The following CCBE1 variants were observed in gnomAD, a reference collection of about 807,000 sequenced individuals.
The protein encoded by CCBE1 is collagen and calcium-binding EGF domain-containing protein 1.
A neutral mutation model predicts 50.0 loss-of-function variants in CCBE1; 37 were observed. The ratio of observed to expected loss-of-function variants is 0.74; its 90% CI spans 0.57 to 0.97. The LOEUF is 0.97. Ranked by LOEUF, CCBE1 falls within the 50% of genes least tolerant of loss-of-function variation. The pLI is 0.00. For missense variants in CCBE1, 538 were observed against 523.8 expected (o/e 1.03, Z -0.26); for synonymous variants, 234 against 203.7 (o/e 1.15, Z -1.27).
intron 2 of CCBE1, among the ~76,000 whole-genome samples, chr18:59,565,311 C>A (rs1359912627): frequency 6.6e-6 from 1 of 152,222 alleles, no homozygotes; most frequent in African/African-American, 2.4e-5. Context: ...GAACAGGGCT[C>A]CAACCAATGG....
chr18:59,681,986 C>T (rs867115004), intron 2 of CCBE1, among the ~76,000 whole-genome samples: 1 of 152,186 alleles, frequency 6.6e-6, no homozygotes, highest in South Asian at 2.1e-4. Flanking sequence ...AAAGCCCCAT[C>T]CCCTCCTCTG....
chr18:59,479,362 C>A (rs113044333), intron 3 of CCBE1, among the ~76,000 whole-genome samples: 123 of 152,314 alleles, frequency 8.1e-4, no homozygotes, highest in African/African-American at 2.8e-3. Context: ...CCCTCTTTGA[C>A]TGCCCTGGGC....
chr18:59,543,640 C>T (rs1335385898), intron 2 of CCBE1, among the ~76,000 whole-genome samples: 3 of 152,070 alleles, frequency 2.0e-5, no homozygotes, highest in African/African-American at 2.4e-5. Context: ...TCGAGAACAT[C>T]CTGGCTAACA....
chr18:59,445,484 A>G (rs1910628997), intron 7 of CCBE1, among the ~76,000 whole-genome samples: 1 of 152,208 alleles, frequency 6.6e-6, no homozygotes, highest in South Asian at 2.1e-4. Flanking sequence ...GATCATACCT[A>G]ACCCCTAGTA....
intron 2 of CCBE1, among the ~76,000 whole-genome samples, chr18:59,513,078 C>T (rs1413834476): frequency 3.9e-5 from 6 of 152,118 alleles, no homozygotes; most frequent in Admixed American, 3.3e-4. Context: ...CTTTGGGAGG[C>T]GGGTGGATCA....
At chr18:59,669,602 A>C (rs547007248) in intron 2 of CCBE1, among the ~76,000 whole-genome samples, 1 of 152,146 alleles carries the variant, frequency 6.6e-6, no homozygotes, top group Non-Finnish European at 1.5e-5. Flanking sequence ...GGCTGCAAGA[A>C]AGCTGCTTTC....
rs1910337416 is a variant in CCBE1, at chr18:59,439,817, C to T, written c.776-1G>A. ...GGGCTTCCCTTTGGTCCTGGTGAGC[C>T]TGTAATCAAAGAACACCTCATTAGC... On this transcript the variant is annotated splice_acceptor_variant, in intron 7 of 10. Transcript: ENST00000439986. LOFTEE classifies it high-confidence loss of function. 1 of 1,613,428 alleles carries T rather than the reference C, an allele frequency of 6.2e-7. No individual in the cohort carries two copies. Among genetic ancestry groups the T allele is most frequent in the Admixed American group, 1.7e-5 (1 of 59,992 alleles).
intron 2 of CCBE1, among the ~76,000 whole-genome samples, chr18:59,582,175 C>G (rs1335596259): frequency 2.6e-5 from 4 of 152,202 alleles, no homozygotes; most frequent in African/African-American, 9.7e-5. Context: ...AAATCCTACC[C>G]ATTGTTTAAG....
At chr18:59,512,310 C>T (rs567669371) in intron 2 of CCBE1, among the ~76,000 whole-genome samples, 1 of 152,332 alleles carries the variant, frequency 6.6e-6, no homozygotes, top group African/African-American at 2.4e-5. Context: ...TAGCACATGC[C>T]CACTGGGGCT....
intron 2 of CCBE1, among the ~76,000 whole-genome samples, chr18:59,680,360 T>A (rs2054570692): frequency 6.6e-6 from 1 of 152,004 alleles, no homozygotes; most frequent in Admixed American, 6.6e-5. Flanking sequence ...CCCTTTAGTT[T>A]AGCGATTTGG....
chr18:59,600,898 C>G (rs988549445), intron 2 of CCBE1, among the ~76,000 whole-genome samples: 3 of 151,010 alleles, frequency 2.0e-5, no homozygotes, highest in Admixed American at 2.0e-4. Context: ...GGAGAGTATA[C>G]ATAATGATTT....
chr18:59,504,852 C>T (rs1913795945), intron 2 of CCBE1, among the ~76,000 whole-genome samples: 1 of 152,188 alleles, frequency 6.6e-6, no homozygotes, highest in South Asian at 2.1e-4. Flanking sequence ...TCCTCTCCCC[C>T]TGAACTTCCA....
rs143982085 is a variant in CCBE1, at chr18:59,438,477, A to T, written c.952-331T>A. On this transcript the variant is annotated intron_variant, in intron 9 of 10. Coordinates refer to ENST00000439986, the MANE Select transcript of CCBE1 (RefSeq NM_133459.4). ...CTTTGTGAGGCAAAAAAGAGCAGGC[A>T]GCTCTCAGAGGGGAACCACCCTGCT... Among the ~76,000 whole-genome samples the T allele has an allele frequency of 3.2e-3, 494 of 152,356 alleles. 1 individual carries two copies. The highest frequency in any genetic ancestry group is 0.011 in the African/African-American group (472 of 41,576).
chr18:59,642,305 C>T (rs568463021), intron 2 of CCBE1, among the ~76,000 whole-genome samples: 2 of 152,084 alleles, frequency 1.3e-5, no homozygotes, highest in Non-Finnish European at 2.9e-5. Context: ...CCATTTTATA[C>T]CCACATGGAA....
chr18:59,568,575 G>A (rs578001069), intron 2 of CCBE1: 6 of 152,172 alleles, frequency 3.9e-5, no homozygotes, highest in African/African-American at 1.2e-4. Flanking sequence ...GAGAACTAGG[G>A]AGAAGATGGC....
chr18:59,488,625 G>A (rs1175946584), intron 2 of CCBE1, among the ~76,000 whole-genome samples: 1 of 152,154 alleles, frequency 6.6e-6, no homozygotes, highest in East Asian at 1.9e-4. Context: ...TGGGCACTGG[G>A]CCTTGGGAAT....
At chr18:59,678,472 GAACA>G (rs1309352403) in intron 2 of CCBE1, among the ~76,000 whole-genome samples, 6 of 152,176 alleles carry the variant, frequency 3.9e-5, no homozygotes, top group African/African-American at 1.2e-4. Flanking sequence ...AGAATATTAA[GAACA>G]GACAGACTAT....
intron 2 of CCBE1, among the ~76,000 whole-genome samples, chr18:59,605,964 G>A (rs531078187): frequency 9.8e-5 from 15 of 152,294 alleles, no homozygotes; most frequent in African/African-American, 2.6e-4. Flanking sequence ...GAGAAATCGC[G>A]ATGCTCGAAT....
intron 2 of CCBE1, among the ~76,000 whole-genome samples, chr18:59,557,680 C>A (rs2564496): frequency 2.5e-4 from 38 of 152,206 alleles, no homozygotes; most frequent in Middle Eastern, 3.4e-3. Context: ...ACCAAGTAAC[C>A]AATGGGGAAC....
Sources: allele counts gnomAD v4.1 joint callset (sites outside exome capture counted in the v4.1 genomes callset), GRCh38; gene constraint gnomAD v4.1.1; transcripts MANE v1.5; gene names NCBI Gene and HGNC (gene_info 2026-07-23, HGNC 2026-07-21).